DLAT: variants seen among roughly 807,000 people sequenced by gnomAD.
DLAT encodes the protein dihydrolipoyllysine-residue acetyltransferase component of pyruvate dehydrogenase complex, mitochondrial.
In DLAT, 43 loss-of-function variants were observed where a neutral mutation model predicts 68.0. The ratio of observed to expected loss-of-function variants is 0.63; its 90% CI spans 0.50 to 0.81. DLAT has a LOEUF of 0.81. Ranked by LOEUF, DLAT falls within the 40% of genes least tolerant of loss-of-function variation. DLAT has a pLI of 0.00. For missense variants in DLAT, 745 were observed against 815.4 expected (o/e 0.91, Z 1.05); for synonymous variants, 265 against 288.6 (o/e 0.92, Z 0.83).
intron 4 of DLAT, among the ~76,000 whole-genome samples, chr11:112,030,528 G>A (rs1251356067): frequency 1.3e-5 from 2 of 152,174 alleles, no homozygotes; most frequent in Non-Finnish European, 2.9e-5. Context: ...CCAAGAGTGG[G>A]TGAAGTAGTC....
At chr11:112,060,792 G>A (rs1864556538) in intron 12 of DLAT, among the ~76,000 whole-genome samples, 2 of 152,066 alleles carry the variant, frequency 1.3e-5, no homozygotes, top group Admixed American at 6.5e-5. Flanking sequence ...TTGACACACC[G>A]TTCTGAAAAT....
Position 112,026,301 on chromosome 11 carries a change from T to G in DLAT, c.381+2T>G, listed in dbSNP as rs781945847. On this transcript the variant is annotated splice_donor_variant, in intron 2 of 13. Transcript: ENST00000280346. LOFTEE classifies it high-confidence loss of function. Reference sequence around the variant, plus strand: ...AATGAAGGTGACCTAATTGCAGAGGTAAGTTTTTTTTTTTTTTTTTAATTA... The same window carrying G: ...AATGAAGGTGACCTAATTGCAGAGGGAAGTTTTTTTTTTTTTTTTTAATTA... The G allele has an allele frequency of 7.2e-7, 1 of 1,394,466 alleles. No individual in the cohort carries two copies. The allele number at this position is 1,394,466 out of a possible 1,614,324, so 86.4% of individuals were successfully genotyped here. A position where few individuals can be genotyped will look rare whatever the true frequency, so the allele number is the denominator to read the frequency against.
intron 3 of DLAT, 26 bp from the exon 4 acceptor site, chr11:112,028,766 A>G: frequency 6.2e-7 from 1 of 1,614,144 alleles, no homozygotes; most frequent in Non-Finnish European, 8.5e-7. Context: ...TGCCCATTAT[A>G]TTTATGCATT....
chr11:112,046,937 A>G (rs1302825560), intron 10 of DLAT, among the ~76,000 whole-genome samples: 2 of 152,196 alleles, frequency 1.3e-5, no homozygotes, highest in African/African-American at 4.8e-5. Flanking sequence ...ATATGTGTGC[A>G]TGTGTCTTTA....
rs146040333 is a variant in DLAT at position 112,044,533 on chromosome 11, C to G, written c.1198-605C>G. 1.4e-4 allele frequency among the ~76,000 whole-genome samples: 21 copies of G among 152,242 alleles called. No homozygotes were observed. The East Asian group carries it at 2.1e-3, about 15-fold the overall frequency. On this transcript the variant is annotated intron_variant, in intron 8 of 13. Transcript: ENST00000280346. Reference sequence around the variant, plus strand: ...TATACTTATTTATTATTCCTTGCAACTTAAGAATGCTTCCATTGCTTTTCT... The same window carrying G: ...TATACTTATTTATTATTCCTTGCAAGTTAAGAATGCTTCCATTGCTTTTCT...
At chr11:112,057,960 A>G (rs1864202390) in intron 11 of DLAT, among the ~76,000 whole-genome samples, 1 of 152,234 alleles carries the variant, frequency 6.6e-6, no homozygotes, top group Non-Finnish European at 1.5e-5. Context: ...AGTAGACAAC[A>G]GTGTAGTGTT....
intron 11 of DLAT, among the ~76,000 whole-genome samples, chr11:112,052,148 CA>C (rs782202113): frequency 5.9e-5 from 9 of 152,240 alleles, no homozygotes; most frequent in Non-Finnish European, 1.3e-4. Flanking sequence ...AGGAAAAAAA[CA>C]AACTTTTTTC....
rs587605312 is a variant in DLAT at position 112,063,296 on chromosome 11, T to C, written c.*761T>C. 1 of 152,212 alleles carries C rather than the reference T, an allele frequency of 6.6e-6. No homozygotes were observed. Among genetic ancestry groups the C allele is most frequent in the Non-Finnish European group, 1.5e-5 (1 of 68,018 alleles). 9.4% of individuals were successfully genotyped at this position (152,212 alleles called of 1,614,324 possible). On this transcript the variant is annotated 3_prime_UTR_variant, in exon 14 of 14. Coordinates refer to ENST00000280346, the MANE Select transcript of DLAT (RefSeq NM_001931.5). ...AACAGTTACCTCCAAAAAAGAAACA[T>C]TGTTAATATAATTTAACAGAAGTTG...
Position 112,051,111 on chromosome 11 carries a change from C to A in DLAT, c.1399-123C>A. ...CTGGGTGATGGGTTGACAGGTGCAG[C>A]AAACCACCATGGCACATGTTTACCT... On this transcript the variant is annotated intron_variant, in intron 10 of 13. Coordinates refer to ENST00000280346, the MANE Select transcript of DLAT (RefSeq NM_001931.5). The surrounding 1 kb of genome is among the most constrained non-coding windows in gnomAD (Gnocchi z 4.3). 1 of 669,918 alleles carries A rather than the reference C, an allele frequency of 1.5e-6. No homozygotes were observed. Among genetic ancestry groups the A allele is most frequent in the Non-Finnish European group, 2.5e-6 (1 of 396,576 alleles). 41.5% of individuals were successfully genotyped at this position (669,918 alleles called of 1,614,324 possible). A position where few individuals can be genotyped will look rare whatever the true frequency, so the allele number is the denominator to read the frequency against.
intron 4 of DLAT, chr11:112,030,015 C>T (rs782131395): frequency 5.0e-5 from 51 of 1,028,034 alleles, no homozygotes; most frequent in Non-Finnish European, 6.7e-5. Context: ...GCCATTTGTA[C>T]TGGGACCGCT....
Position 112,039,262 on chromosome 11 carries a change from A to G in DLAT, c.994A>G (p.Thr332Ala), listed in dbSNP as rs1555180798. 1.2e-6 allele frequency: 2 copies of G among 1,613,882 alleles called. No homozygotes were observed. The highest frequency in any genetic ancestry group is 8.5e-7 in the Non-Finnish European group (1 of 1,179,986). The change falls in exon 7 of 14, where the codon ACT (threonine) becomes GCT (alanine). Residue 332 changes from threonine to alanine, a missense_variant. Transcript: ENST00000280346. ...TPPPVAAVPP[T>A]PQPLAPTPSA... ...TCAAAAGGTGGCCGCTGTTCCTCCA[A>G]CTCCCCAGCCTTTAGCTCCTACACC... is the stretch of plus-strand genomic sequence containing the variant.
intron 7 of DLAT, among the ~76,000 whole-genome samples, chr11:112,042,779 T>C (rs1863111019): frequency 6.6e-6 from 1 of 152,230 alleles, no homozygotes; most frequent in South Asian, 2.1e-4. Flanking sequence ...ATGTGTGACA[T>C]TGCACCTTTT....
chr11:112,062,008 AG>A (rs1864661972), intron 13 of DLAT, among the ~76,000 whole-genome samples: 2 of 152,164 alleles, frequency 1.3e-5, no homozygotes, highest in African/African-American at 4.8e-5. Context: ...GTCCTATTTG[AG>A]GTGGAAAGCC....
intron 13 of DLAT, among the ~76,000 whole-genome samples, chr11:112,062,154 T>C (rs1415367339): frequency 1.3e-5 from 2 of 152,106 alleles, no homozygotes; most frequent in Admixed American, 1.3e-4. Flanking sequence ...ACAAGACAAA[T>C]GAATTGCAGT....
At position 112,062,801 on chromosome 11, in the gene DLAT, T is replaced by C. The variant is rs587594085; in HGVS notation, c.*266T>C. ...CATGTATGTGGCCTTGCCTAGCCCT[T>C]TGGTGATAAGTACTTCCTCTAGGAA... On this transcript the variant is annotated 3_prime_UTR_variant, in exon 14 of 14. Coordinates refer to ENST00000280346, the MANE Select transcript of DLAT (RefSeq NM_001931.5). The C allele has an allele frequency of 3.3e-5, 14 of 417,980 alleles. No individual in the cohort carries two copies. The East Asian group carries it at 7.4e-4, about 22-fold the overall frequency. 25.9% of individuals were successfully genotyped at this position (417,980 alleles called of 1,614,324 possible). A position where few individuals can be genotyped will look rare whatever the true frequency, so the allele number is the denominator to read the frequency against.
At chr11:112,036,165 ATATG>A (rs1246800107) in intron 5 of DLAT, among the ~76,000 whole-genome samples, 23 of 101,812 alleles carry the variant, frequency 2.3e-4, no homozygotes, top group African/African-American at 5.1e-4. Context: ...GTGTGTGTAT[ATATG>A]TGTGTGTGTG....
chr11:112,058,585 T>G (rs1270848999), intron 11 of DLAT, among the ~76,000 whole-genome samples: 2 of 109,882 alleles, frequency 1.8e-5, no homozygotes, highest in Non-Finnish European at 3.4e-5. Flanking sequence ...CATGAATCCA[T>G]GAGCTTGTGA....
intron 7 of DLAT, among the ~76,000 whole-genome samples, chr11:112,040,232 G>A (rs1476861041): frequency 6.6e-6 from 1 of 152,080 alleles, no homozygotes; most frequent in East Asian, 1.9e-4. Flanking sequence ...ATTTGGAATG[G>A]GGGGAAGTTA....
At chr11:112,053,847 A>G (rs1437485809) in intron 11 of DLAT, among the ~76,000 whole-genome samples, 1 of 151,916 alleles carries the variant, frequency 6.6e-6, no homozygotes, top group Non-Finnish European at 1.5e-5. Context: ...TGAGTTTTTC[A>G]TTTATTTTAC....
Sources: allele counts gnomAD v4.1 joint callset (sites outside exome capture counted in the v4.1 genomes callset), GRCh38; gene constraint gnomAD v4.1.1; non-coding constraint Gnocchi (gnomAD v3.1); transcripts MANE v1.5; gene names NCBI Gene and HGNC (gene_info 2026-07-23, HGNC 2026-07-21).